The following VMA21 variants were observed in gnomAD, a reference collection of about 807,000 sequenced individuals.
VMA21 encodes the protein vacuolar ATPase assembly factor VMA21.
For synonymous variants in VMA21, 47 were observed against 34.1 expected, an observed-to-expected ratio of 1.38 and a Z score of -1.32; for missense variants, 61 against 80.6, an observed-to-expected ratio of 0.76 and a Z score of 0.93.
intron 1 of VMA21, 26 bp downstream of exon 1, chrX:151,397,387 CGAGGCGGACTGGCCCCAGCCTGGAGCAG>C (rs1460854319): frequency 5.2e-6 from 6 of 1,156,499 alleles, no homozygotes; most frequent in Non-Finnish European, 6.9e-6. Flanking sequence ...GCCTGGACCG[CGAGGCGGACTGGCCCCAGCCTGGAGCAG>C]GGCTTGAGGG....
upstream of VMA21, chrX:151,397,107 T>C (rs775694675): frequency 9.2e-5 from 32 of 346,428 alleles, no homozygotes; most frequent in South Asian, 2.7e-3. Flanking sequence ...CCTGCGTCGC[T>C]GCGGCGCGCC....
chrX:151,397,942 C>G (rs2011206918), intron 1 of VMA21, among the ~76,000 whole-genome samples: 1 of 111,468 alleles, frequency 9.0e-6, no homozygotes, highest in African/African-American at 3.3e-5. Flanking sequence ...ATGCCAGGCT[C>G]AGTGCACGTG....
intron 1 of VMA21, among the ~76,000 whole-genome samples, chrX:151,401,455 T>A (rs576567619): frequency 8.9e-6 from 1 of 112,398 alleles, no homozygotes; most frequent in South Asian, 3.7e-4. Flanking sequence ...GAAAGTGTGA[T>A]GCTTACAACT....
intron 1 of VMA21, among the ~76,000 whole-genome samples, chrX:151,399,403 CAA>C (rs1375130873): frequency 3.6e-5 from 4 of 112,101 alleles, no homozygotes; most frequent in South Asian, 7.4e-4. Flanking sequence ...AATAGATACT[CAA>C]GAGAGGTCAT....
chrX:151,397,078 C>T (rs764866085), upstream of VMA21: 90 of 448,165 alleles, frequency 2.0e-4, no homozygotes, highest in African/African-American at 2.2e-3. Context: ...TGAGCGCCCG[C>T]CCCCGCGCCG....
Position 151,408,311 on chromosome X carries a change from A to C in VMA21, c.*3253A>C, listed in dbSNP as rs2011317085. 1 of 112,110 alleles carries C rather than the reference A, an allele frequency of 8.9e-6. No individual in the cohort carries two copies. Among genetic ancestry groups the C allele is most frequent in the Admixed American group, 9.5e-5 (1 of 10,577 alleles). 9.2% of individuals were successfully genotyped at this position (112,110 alleles called of 1,213,427 possible). A position where few individuals can be genotyped will look rare whatever the true frequency, so the allele number is the denominator to read the frequency against. Reference sequence around the variant, plus strand: ...TCAATTTTATGTATACAGTTAGAATACCCAAGGAGACCACTAAAATCAGTT... The same window carrying C: ...TCAATTTTATGTATACAGTTAGAATCCCCAAGGAGACCACTAAAATCAGTT... On this transcript the variant is annotated 3_prime_UTR_variant, in exon 3 of 3. Transcript: ENST00000330374.
Position 151,406,026 on chromosome X carries a change from T to G in VMA21, c.*968T>G, listed in dbSNP as rs1355110115. Reference sequence around the variant, plus strand: ...CTTGATTTTATTTTCGTATCTTTAGTCTGTGTTCTTTCTAGTTATTTGGTA... The same window carrying G: ...CTTGATTTTATTTTCGTATCTTTAGGCTGTGTTCTTTCTAGTTATTTGGTA... On this transcript the variant is annotated 3_prime_UTR_variant, in exon 3 of 3. Coordinates refer to ENST00000330374, the MANE Select transcript of VMA21 (RefSeq NM_001017980.4). The G allele has an allele frequency of 9.0e-6, 1 of 111,720 alleles. No individual in the cohort carries two copies. Among genetic ancestry groups the G allele is most frequent in the Non-Finnish European group, 1.9e-5 (1 of 53,195 alleles). The allele number at this position is 111,720 out of a possible 1,213,427, so 9.2% of individuals were successfully genotyped here. A position where few individuals can be genotyped will look rare whatever the true frequency, so the allele number is the denominator to read the frequency against.
chrX:151,402,960 T>C (rs765363820), intron 1 of VMA21, among the ~76,000 whole-genome samples: 1 of 111,359 alleles, frequency 9.0e-6, no homozygotes, highest in Admixed American at 9.5e-5. Flanking sequence ...CTGTGGTGCC[T>C]GCCGAGTTCC....
At chrX:151,398,143 C>T (rs866836626) in intron 1 of VMA21, among the ~76,000 whole-genome samples, 1 of 107,352 alleles carries the variant, frequency 9.3e-6, no homozygotes, top group Non-Finnish European at 1.9e-5. Context: ...ATCTTTGGAG[C>T]TCTGTGATGC....
At chrX:151,400,917 T>C (rs900471205) in intron 1 of VMA21, among the ~76,000 whole-genome samples, 10 of 112,675 alleles carry the variant, frequency 8.9e-5, no homozygotes, top group African/African-American at 3.2e-4. Flanking sequence ...AAGAGTTCTT[T>C]ATAAATTTTG....
intron 1 of VMA21, among the ~76,000 whole-genome samples, chrX:151,399,134 T>G (rs1030598934): frequency 8.9e-6 from 1 of 112,058 alleles, no homozygotes; most frequent in Non-Finnish European, 1.9e-5. Context: ...TTTGACTTAA[T>G]GCTTAGTCCC....
At position 151,407,987 on chromosome X, in the gene VMA21, G is replaced by C. The variant is rs2011313339; in HGVS notation, c.*2929G>C. The stretch of plus-strand genomic sequence containing the variant: ...GCTCGCTGCAACCTCCGCCTCCCGG[G>C]TTCAAGCAGTTCTCCTGCCTCAGCC... On this transcript the variant is annotated 3_prime_UTR_variant, in exon 3 of 3. Coordinates refer to ENST00000330374, the MANE Select transcript of VMA21 (RefSeq NM_001017980.4). 1 of 109,379 alleles carries C rather than the reference G, an allele frequency of 9.1e-6. No homozygotes were observed. Among genetic ancestry groups the C allele is most frequent in the African/African-American group, 3.3e-5 (1 of 29,919 alleles). 9.0% of individuals were successfully genotyped at this position (109,379 alleles called of 1,213,427 possible).
Position 151,405,740 on chromosome X carries a change from G to GCTTTGTGCTTTGCAGACCAA in VMA21, c.*687_*706dup, listed in dbSNP as rs1446961183. 2 of 112,140 alleles carry GCTTTGTGCTTTGCAGACCAA rather than the reference G, an allele frequency of 1.8e-5. No individual in the cohort carries two copies. The highest frequency in any genetic ancestry group is 1.9e-4 in the Admixed American group (2 of 10,593). 9.2% of individuals were successfully genotyped at this position (112,140 alleles called of 1,213,427 possible). On this transcript the variant is annotated 3_prime_UTR_variant, in exon 3 of 3. Coordinates refer to ENST00000330374, the MANE Select transcript of VMA21 (RefSeq NM_001017980.4). Reference sequence around the variant, plus strand: ...TTCCTTCAAGTCCCCTTGCAGGCCAGCTTTGTGCTTTGCAGACCAACTTTT... The same window carrying GCTTTGTGCTTTGCAGACCAA: ...TTCCTTCAAGTCCCCTTGCAGGCCAGCTTTGTGCTTTGCAGACCAACTTTGTGCTTTGCAGACCAACTTTT...
upstream of VMA21, chrX:151,397,107 T>TGCGGC (rs1264697956): frequency 4.9e-5 from 17 of 346,429 alleles, no homozygotes; most frequent in Admixed American, 1.8e-4. Flanking sequence ...CCTGCGTCGC[T>TGCGGC]GCGGCGCGCC....
Position 151,407,200 on chromosome X carries a change from A to G in VMA21, c.*2142A>G, listed in dbSNP as rs1439034461. ...TGATGATACATGGGTATTTTTCTGC[A>G]AGTATTTAAACCAGGGGCATATGCA... On this transcript the variant is annotated 3_prime_UTR_variant, in exon 3 of 3. Coordinates refer to ENST00000330374, the MANE Select transcript of VMA21 (RefSeq NM_001017980.4). 2.7e-5 allele frequency: 3 copies of G among 112,981 alleles called. No homozygotes were observed. The highest frequency in any genetic ancestry group is 6.4e-5 in the African/African-American group (2 of 31,019). 9.3% of individuals were successfully genotyped at this position (112,981 alleles called of 1,213,427 possible).
At chrX:151,397,409 G>A (rs1239725759) in intron 1 of VMA21, 48 bp downstream of exon 1, 2 of 1,144,112 alleles carry the variant, frequency 1.7e-6, no homozygotes, top group Admixed American at 5.2e-5. Context: ...GCCCCAGCCT[G>A]GAGCAGGGCT....
intron 2 of VMA21, among the ~76,000 whole-genome samples, chrX:151,404,523 A>G (rs961050710): frequency 1.8e-5 from 2 of 111,890 alleles, no homozygotes; most frequent in African/African-American, 3.2e-5. Context: ...GGTTCACGCC[A>G]TTCTGCTGCC....
chrX:151,407,177 A>G lies in VMA21; in HGVS notation c.*2119A>G, dbSNP rs1401380335. ...GTTTCAGGCATTTGCTGAATAGGTG[A>G]TGATACATGGGTATTTTTCTGCAAG... On this transcript the variant is annotated 3_prime_UTR_variant, in exon 3 of 3. Transcript: ENST00000330374. 3 of 112,832 alleles carry G rather than the reference A, an allele frequency of 2.7e-5. No individual in the cohort carries two copies. Among genetic ancestry groups the G allele is most frequent in the African/African-American group, 9.7e-5 (3 of 30,970 alleles). 9.3% of individuals were successfully genotyped at this position (112,832 alleles called of 1,213,427 possible).
At chrX:151,397,390 G>T in intron 1 of VMA21, 29 bp downstream of exon 1, 1 of 1,157,011 alleles carries the variant, frequency 8.6e-7, no homozygotes, top group Non-Finnish European at 1.1e-6. Context: ...TGGACCGCGA[G>T]GCGGACTGGC....
Sources: gnomAD v4.1 joint callset for allele counts (sites outside exome capture counted in the v4.1 genomes callset) on GRCh38, gnomAD v4.1.1 for gene constraint, MANE v1.5 for transcripts, NCBI Gene and HGNC (gene_info 2026-07-23, HGNC 2026-07-21) for gene names.